The following CFAP126 variants were observed in gnomAD, a reference collection of about 807,000 sequenced individuals.
CFAP126 encodes protein Flattop.
A neutral mutation model predicts 17.1 loss-of-function variants in CFAP126; 21 were observed. The observed-to-expected ratio is 1.23, with a 90% CI of 0.87 to 1.77. The LOEUF (loss-of-function observed/expected upper bound fraction) is 1.77. Among genes scored for constraint, CFAP126 ranks in the 40% most tolerant of loss-of-function variants. The pLI is 0.00. For synonymous variants in CFAP126, 65 were observed against 73.5 expected (o/e 0.88, Z 0.59); for missense variants, 174 against 215.4 (o/e 0.81, Z 1.20).
chr1:161,364,996 G>T lies in CFAP126; in HGVS notation c.503C>A (p.Thr168Asn). The change falls in exon 5 of 5, where the codon ACT becomes AAT. Residue 168 changes from threonine (T) to asparagine (N), a missense_variant. Transcript: ENST00000367974. ...LQSSHPSAGH[T>N]PGPQRPAKS ...TTTGGCTGGTCTTTGGGGACCTGGAGTATGACCTGCAGAGGGGTGTGAGCT... is the reference window on the plus strand; with the variant it reads ...TTTGGCTGGTCTTTGGGGACCTGGATTATGACCTGCAGAGGGGTGTGAGCT... 1 of 1,614,210 alleles carries T rather than the reference G, an allele frequency of 6.2e-7. No individual in the cohort carries two copies. Among genetic ancestry groups the T allele is most frequent in the Non-Finnish European group, 8.5e-7 (1 of 1,180,040 alleles).
intron 3 of CFAP126, 58 bp from the exon 4 acceptor site, chr1:161,365,760 C>G: frequency 7.1e-7 from 1 of 1,411,566 alleles, no homozygotes; most frequent in Non-Finnish European, 9.6e-7. Context: ...CTGACTTAGA[C>G]CTCTGTATTA....
rs777930359 is a variant in CFAP126, at chr1:161,366,238, T to C, written c.131A>G (p.Asn44Ser). 6.2e-7 allele frequency: 1 copy of C among 1,613,936 alleles called. No homozygotes were observed. Among genetic ancestry groups the C allele is most frequent in the Non-Finnish European group, 8.5e-7 (1 of 1,179,852 alleles). ...SHEGYTQIIANDRGHLLPSVP... is the reference protein window; with the variant it reads ...SHEGYTQIIASDRGHLLPSVP... Reference sequence around the variant, plus strand: ...AGAAGGCAGTAGATGACCACGATCGTTGGCAATAATTTGAGTGTAGCCTTC... The same window carrying C: ...AGAAGGCAGTAGATGACCACGATCGCTGGCAATAATTTGAGTGTAGCCTTC... Residue 44 changes from asparagine (N) to serine (S), a missense_variant, in exon 3 of 5, where the codon AAC becomes AGC. Coordinates refer to ENST00000367974, the MANE Select transcript of CFAP126 (RefSeq NM_001013625.4).
chr1:161,366,820 G>A (rs905319934), intron 1 of CFAP126: 2 of 323,728 alleles, frequency 6.2e-6, no homozygotes, highest in East Asian at 7.2e-5. Flanking sequence ...TGCCACCTGG[G>A]TTGGAGTCAG....
In CFAP126 at chr1:161,364,764, A is replaced by C; in HGVS notation, c.*201T>G. On this transcript the variant is annotated 3_prime_UTR_variant, in exon 5 of 5. Coordinates refer to ENST00000367974, the MANE Select transcript of CFAP126 (RefSeq NM_001013625.4). ...TCAACAAAAAAAAGTTTATTTTCCA[A>C]ATTTGCTTTTACTCCCACCCCAAAA... The C allele has an allele frequency of 1.9e-6, 1 of 530,696 alleles. No homozygotes were observed. 32.9% of individuals were successfully genotyped at this position (530,696 alleles called of 1,614,324 possible). A position where few individuals can be genotyped will look rare whatever the true frequency, so the allele number is the denominator to read the frequency against.
chr1:161,365,314 C>A lies in CFAP126; in HGVS notation c.349-164G>T, dbSNP rs2102392467. Reference sequence around the variant, plus strand: ...TGATTTCTCTAACCACCCTCCCCCACCTTGAGATTAGATCATTTTCTACTG... The same window carrying A: ...TGATTTCTCTAACCACCCTCCCCCAACTTGAGATTAGATCATTTTCTACTG... On this transcript the variant is annotated intron_variant, in intron 4 of 4. Transcript: ENST00000367974. The A allele has an allele frequency of 6.6e-6, 6 of 908,356 alleles. No homozygotes were observed. In the South Asian group the frequency reaches 1.0e-4, roughly 15 times the overall value. 56.3% of individuals were successfully genotyped at this position (908,356 alleles called of 1,614,324 possible).
At chr1:161,366,158 T>C (rs371200668) in intron 3 of CFAP126, 40 bp downstream of exon 3, 2 of 1,455,024 alleles carry the variant, frequency 1.4e-6, no homozygotes, top group African/African-American at 2.8e-5. Context: ...TGTGCCTTAA[T>C]TATTTGACTT....
Position 161,365,064 on chromosome 1 carries a change from T to C in CFAP126, c.435A>G (p.Pro145=). 1.2e-6 allele frequency: 2 copies of C among 1,614,082 alleles called. No homozygotes were observed. Among genetic ancestry groups the C allele is most frequent in the Non-Finnish European group, 1.7e-6 (2 of 1,179,986 alleles). ...VQQARSPTII[P]SSPAANLNSP... ...AATTGAGGTTGGCAGCTGGGGAGCT[T>C]GGAATTATGGTTGGACTTCGTGCTT... Residue 145 remains proline (P), a synonymous_variant, in exon 5 of 5, where the codon CCA becomes CCG. Coordinates refer to ENST00000367974, the MANE Select transcript of CFAP126 (RefSeq NM_001013625.4).
chr1:161,365,258 A>G lies in CFAP126; in HGVS notation c.349-108T>C. 4 of 1,165,352 alleles carry G rather than the reference A, an allele frequency of 3.4e-6. No individual in the cohort carries two copies. In the South Asian group the frequency reaches 5.9e-5, roughly 17 times the overall value. The allele number at this position is 1,165,352 out of a possible 1,614,324, so 72.2% of individuals were successfully genotyped here. A position where few individuals can be genotyped will look rare whatever the true frequency, so the allele number is the denominator to read the frequency against. On this transcript the variant is annotated intron_variant, in intron 4 of 4. Transcript: ENST00000367974. ...CCTTTCTCCCCATACCATGGGCAGT[A>G]GATCAAGTTTCAAATAAGAAAAGTT...
At chr1:161,365,887 C>G (rs1672712807) in intron 3 of CFAP126, 185 bp from the exon 4 acceptor site, 2 of 654,932 alleles carry the variant, frequency 3.1e-6, no homozygotes, top group Non-Finnish European at 2.6e-6. Context: ...TTTTTTCATC[C>G]CCTTTACTCT....
At chr1:161,365,363 C>T in intron 4 of CFAP126, 163 bp downstream of exon 4, 1 of 950,638 alleles carries the variant, frequency 1.1e-6, no homozygotes, top group Non-Finnish European at 1.6e-6. Context: ...GTCCTTAGCC[C>T]ATCCCTTCAG....
Position 161,364,852 on chromosome 1 carries a change from T to G in CFAP126, c.*113A>C, listed in dbSNP as rs1672670485. On this transcript the variant is annotated 3_prime_UTR_variant, in exon 5 of 5. Coordinates refer to ENST00000367974, the MANE Select transcript of CFAP126 (RefSeq NM_001013625.4). ...TATTTCACTGAGTCGCTATACGGGT[T>G]TTTCAGTGTGTGGCCACTTGGTCCA... 2 of 1,029,618 alleles carry G rather than the reference T, an allele frequency of 1.9e-6. No individual in the cohort carries two copies. Among genetic ancestry groups the G allele is most frequent in the Non-Finnish European group, 2.9e-6 (2 of 697,046 alleles). 63.8% of individuals were successfully genotyped at this position (1,029,618 alleles called of 1,614,324 possible).
Position 161,364,944 on chromosome 1 carries a change from C to T in CFAP126, c.*21G>A, listed in dbSNP as rs370852007. 2.2e-4 allele frequency: 357 copies of T among 1,608,266 alleles called. No homozygotes were observed. The highest frequency in any genetic ancestry group is 2.9e-4 in the Non-Finnish European group (345 of 1,175,430). Reference sequence around the variant, plus strand: ...AGGCCCTGCCCAGAGTTCTAGCATACGTGGACTTCCAGGTGGGCTCTTAGG... The same window carrying T: ...AGGCCCTGCCCAGAGTTCTAGCATATGTGGACTTCCAGGTGGGCTCTTAGG... On this transcript the variant is annotated 3_prime_UTR_variant, in exon 5 of 5. Transcript: ENST00000367974.
At chr1:161,365,320 G>T in intron 4 of CFAP126, 170 bp from the exon 5 acceptor site, 1 of 910,572 alleles carries the variant, frequency 1.1e-6, no homozygotes, top group Non-Finnish European at 1.7e-6. Flanking sequence ...CCCACCTTGA[G>T]ATTAGATCAT....
At chr1:161,366,309 G>T (rs367781072) in intron 2 of CFAP126, 31 bp from the exon 3 acceptor site, 193 of 1,593,348 alleles carry the variant, frequency 1.2e-4, no homozygotes, top group Non-Finnish European at 1.6e-4. Flanking sequence ...ATAAAGGTTT[G>T]TGAGGGGAAA....
In CFAP126 at chr1:161,365,609, C is replaced by T. The variant is rs1228706236; in HGVS notation, c.265G>A (p.Ala89Thr). 4 of 1,614,034 alleles carry T rather than the reference C, an allele frequency of 2.5e-6. No homozygotes were observed. The highest frequency in any genetic ancestry group is 1.7e-5 in the Admixed American group (1 of 60,002). The change falls in exon 4 of 5, where the codon GCT becomes ACT. Residue 89 changes from alanine to threonine, a missense_variant. Transcript: ENST00000367974. ...VTLTSRTTAG[A>T]ASLTKWIQKN... Reference sequence around the variant, plus strand: ...TGTATCCATTTGGTGAGGGAGGCAGCACCAGCAGTTGTACGGGAGGTCAGG... The same window carrying T: ...TGTATCCATTTGGTGAGGGAGGCAGTACCAGCAGTTGTACGGGAGGTCAGG...
intron 4 of CFAP126, 61 bp downstream of exon 4, chr1:161,365,465 T>C: frequency 6.3e-7 from 1 of 1,577,438 alleles, no homozygotes; most frequent in Middle Eastern, 1.7e-4. Flanking sequence ...AATAGACATT[T>C]TTTGAGGTTG....
intron 4 of CFAP126, 86 bp downstream of exon 4, chr1:161,365,440 T>C (rs1035771487): frequency 1.2e-5 from 18 of 1,480,062 alleles, no homozygotes; most frequent in Non-Finnish European, 1.7e-5. Flanking sequence ...CATGCTGGGA[T>C]AGTGGTGGCA....
At chr1:161,367,550 T>C (rs1672775442) in intron 1 of CFAP126, 1 of 368,232 alleles carries the variant, frequency 2.7e-6, no homozygotes, top group Admixed American at 4.6e-5. Context: ...ATTATGCAAG[T>C]AGCTACAGAA....
chr1:161,366,715 T>G (rs1011131083), intron 1 of CFAP126: 10 of 567,686 alleles, frequency 1.8e-5, no homozygotes, highest in Non-Finnish European at 2.8e-5. Context: ...ACCTGAAATA[T>G]GACTAGTTCA....
Sources: allele counts gnomAD v4.1 joint callset, GRCh38; gene constraint gnomAD v4.1.1; transcripts MANE v1.5; gene names NCBI Gene and HGNC (gene_info 2026-07-23, HGNC 2026-07-21).